Variants in CACNA2D3 observed in about 807,000 individuals in gnomAD.
The protein encoded by CACNA2D3 is voltage-dependent calcium channel subunit alpha-2/delta-3.
A neutral mutation model predicts 160.6 loss-of-function variants in CACNA2D3; 60 were observed. The observed-to-expected ratio is 0.37, with a 90% CI of 0.30 to 0.46. The LOEUF (loss-of-function observed/expected upper bound fraction) is 0.46, where lower values mean the gene tolerates loss of function less well. CACNA2D3 is among the 20% of genes least tolerant of loss of function. The probability of loss-of-function intolerance (pLI) is 1.00; values close to 1 mark genes in which losing one functional copy is unlikely to be tolerated. For missense variants in CACNA2D3, 1,205 were observed against 1,365.0 expected (o/e 0.88, Z 1.85); for synonymous variants, 558 against 492.9 (o/e 1.13, Z -1.75).
At chr3:54,779,236 T>A (rs1196732562) in intron 13 of CACNA2D3, among the ~76,000 whole-genome samples, 1 of 152,118 alleles carries the variant, frequency 6.6e-6, no homozygotes, top group Non-Finnish European at 1.5e-5. Flanking sequence ...TAGTTGGGAC[T>A]ACAAGGTGTG....
chr3:54,964,912 T>C (rs1702114253), intron 27 of CACNA2D3, among the ~76,000 whole-genome samples: 1 of 152,044 alleles, frequency 6.6e-6, no homozygotes, highest in African/African-American at 2.4e-5. Flanking sequence ...TCCCTTACTC[T>C]CATTCTCCCA....
intron 4 of CACNA2D3, among the ~76,000 whole-genome samples, chr3:54,491,006 C>T (rs548840660): frequency 1.3e-5 from 2 of 152,278 alleles, no homozygotes; most frequent in South Asian, 4.2e-4. Flanking sequence ...GACTGAGGCA[C>T]ATATAAGGAA....
intron 4 of CACNA2D3, among the ~76,000 whole-genome samples, chr3:54,417,795 T>TG (rs71616810): frequency 0.011 from 763 of 68,038 alleles, 2 homozygotes; most frequent in African/African-American, 0.028. Context: ...TCTGTGTGTG[T>TG]GGGGGGGGGG....
chr3:54,297,119 G>C (rs940532272), intron 2 of CACNA2D3, among the ~76,000 whole-genome samples: 4 of 152,176 alleles, frequency 2.6e-5, no homozygotes, highest in African/African-American at 9.7e-5. Flanking sequence ...AGACAGCCTG[G>C]ATTTAAATCT....
chr3:54,776,262 C>G (rs1702422558), intron 13 of CACNA2D3, among the ~76,000 whole-genome samples: 1 of 152,180 alleles, frequency 6.6e-6, no homozygotes, highest in Non-Finnish European at 1.5e-5. Context: ...ACCTGTAATT[C>G]CAGCACTTAG....
Position 54,837,227 on chromosome 3 carries a change from A to G in CACNA2D3, c.1467A>G (p.Glu489=). ...TGCCTGTGTTTAGTAAGCAGAACGA[A>G]ACCGTGAGTACAGTCGCTGAGCTTC... ...VAMPVFSKQN[E]TRSKGILLGV... The change falls in exon 15 of 38, where the codon GAA becomes GAG. Residue 489 remains glutamate (E), a synonymous_variant. Coordinates refer to ENST00000474759, the MANE Select transcript of CACNA2D3 (RefSeq NM_018398.3). The G allele has an allele frequency of 1.9e-6, 3 of 1,613,714 alleles. No homozygotes were observed. Among genetic ancestry groups the G allele is most frequent in the Non-Finnish European group, 2.5e-6 (3 of 1,179,654 alleles).
chr3:54,415,913 A>G (rs2106738470), intron 4 of CACNA2D3, among the ~76,000 whole-genome samples: 1 of 152,304 alleles, frequency 6.6e-6, no homozygotes, highest in East Asian at 1.9e-4. Context: ...GAAGAAATAA[A>G]TTGAAGATGA....
At chr3:54,414,265 A>T (rs1699719189) in intron 4 of CACNA2D3, among the ~76,000 whole-genome samples, 1 of 152,092 alleles carries the variant, frequency 6.6e-6, no homozygotes, top group Non-Finnish European at 1.5e-5. Context: ...AAAGAGAAAA[A>T]TGCATTTCTG....
chr3:54,591,572 T>TTG (rs1232485481), intron 9 of CACNA2D3, among the ~76,000 whole-genome samples: 122 of 150,704 alleles, frequency 8.1e-4, no homozygotes, highest in African/African-American at 3.0e-3. Flanking sequence ...AAAAAGTTTT[T>TTG]TTTTTTTTTT....
chr3:54,477,184 A>C (rs1158691509), intron 4 of CACNA2D3, among the ~76,000 whole-genome samples: 3 of 152,166 alleles, frequency 2.0e-5, no homozygotes, highest in Admixed American at 6.5e-5. Flanking sequence ...CTCATATGTA[A>C]AGTGATGAGA....
At chr3:54,782,269 G>A (rs1184721860) in intron 13 of CACNA2D3, among the ~76,000 whole-genome samples, 1 of 152,152 alleles carries the variant, frequency 6.6e-6, no homozygotes, top group Non-Finnish European at 1.5e-5. Context: ...GTATTCTACA[G>A]TAAATTCCAT....
intron 4 of CACNA2D3, among the ~76,000 whole-genome samples, chr3:54,484,149 C>T (rs989367978): frequency 6.6e-6 from 1 of 152,216 alleles, no homozygotes; most frequent in Non-Finnish European, 1.5e-5. Flanking sequence ...CCCAGCATAT[C>T]ACCCTTAATG....
At chr3:54,445,037 G>C (rs759296652) in intron 4 of CACNA2D3, among the ~76,000 whole-genome samples, 6 of 152,200 alleles carry the variant, frequency 3.9e-5, no homozygotes, top group Non-Finnish European at 8.8e-5. Flanking sequence ...AAATGTACTG[G>C]AGAATGCAGA....
intron 4 of CACNA2D3, among the ~76,000 whole-genome samples, chr3:54,497,624 G>T (rs1273474406): frequency 1.3e-5 from 2 of 151,860 alleles, no homozygotes; most frequent in Non-Finnish European, 1.5e-5. Flanking sequence ...GTATTTGCCA[G>T]GACCACCTTT....
intron 27 of CACNA2D3, among the ~76,000 whole-genome samples, chr3:54,915,785 A>G (rs1700648157): frequency 1.3e-5 from 2 of 152,358 alleles, no homozygotes; most frequent in South Asian, 4.1e-4. Context: ...TTCATTGCCA[A>G]CTGCTGTTTG....
At chr3:54,962,697 G>A (rs1702060484) in intron 27 of CACNA2D3, among the ~76,000 whole-genome samples, 1 of 152,174 alleles carries the variant, frequency 6.6e-6, no homozygotes. Flanking sequence ...ACTCCTGATT[G>A]GAATTCACTG....
At chr3:54,485,507 A>G (rs1276895144) in intron 4 of CACNA2D3, among the ~76,000 whole-genome samples, 2 of 151,922 alleles carry the variant, frequency 1.3e-5, no homozygotes, top group African/African-American at 2.4e-5. Flanking sequence ...ATGATTTTAT[A>G]TATGATATGT....
intron 9 of CACNA2D3, among the ~76,000 whole-genome samples, chr3:54,622,621 A>G (rs867316002): frequency 6.6e-6 from 1 of 151,442 alleles, no homozygotes; most frequent in Non-Finnish European, 1.5e-5. Flanking sequence ...TAGGGCCTGT[A>G]TACCAATTGC....
intron 3 of CACNA2D3, among the ~76,000 whole-genome samples, chr3:54,330,080 T>TA (rs563533224): frequency 3.5e-4 from 54 of 152,330 alleles, no homozygotes; most frequent in African/African-American, 1.2e-3. Context: ...GAATCTTTGT[T>TA]AAAAATCAGC....
Sources: allele counts gnomAD v4.1 joint callset (sites outside exome capture counted in the v4.1 genomes callset), GRCh38; gene constraint gnomAD v4.1.1; transcripts MANE v1.5; gene names NCBI Gene and HGNC (gene_info 2026-07-23, HGNC 2026-07-21).